The following RNF25 variants were observed in gnomAD, a reference collection of about 807,000 sequenced individuals.
RNF25 encodes ring finger protein 25.
In RNF25, 32 loss-of-function variants were observed where a neutral mutation model predicts 65.0. That is an observed-to-expected ratio of 0.49 (90% CI 0.37 to 0.66). The LOEUF is 0.66. Among genes scored for constraint, RNF25 ranks in the 30% least tolerant of loss-of-function variants. The probability of loss-of-function intolerance (pLI) is 0.00; values close to 1 mark genes in which losing one functional copy is unlikely to be tolerated. For missense variants in RNF25, 493 were observed against 584.8 expected, an observed-to-expected ratio of 0.84 and a Z score of 1.62; for synonymous variants, 207 against 221.2, an observed-to-expected ratio of 0.94 and a Z score of 0.57.
At chr2:218,665,129 C>T in intron 8 of RNF25, 26 bp downstream of exon 8, 3 of 1,605,010 alleles carry the variant, frequency 1.9e-6, no homozygotes, top group Non-Finnish European at 2.6e-6. Context: ...TTACTCCTGG[C>T]TCAGATTGGA....
intron 1 of RNF25, 94 bp from the exon 2 acceptor site, chr2:218,668,773 A>G: frequency 4.8e-6 from 4 of 839,608 alleles, no homozygotes; most frequent in Non-Finnish European, 8.1e-6. Context: ...AAAAATGGCA[A>G]TCTACCAGAA....
At chr2:218,665,015 G>T in intron 8 of RNF25, 140 bp downstream of exon 8, 5 of 1,443,266 alleles carry the variant, frequency 3.5e-6, no homozygotes, top group Non-Finnish European at 3.8e-6. Context: ...TCCCGCCAGT[G>T]GGGGATGTGG....
intron 2 of RNF25, 42 bp from the exon 3 acceptor site, chr2:218,668,383 G>T: frequency 1.5e-6 from 2 of 1,359,250 alleles, no homozygotes; most frequent in East Asian, 4.8e-5. Flanking sequence ...GACTGGGTAG[G>T]GGCTTGGGGG....
chr2:218,666,925 T>C (rs773729471), intron 5 of RNF25, among the ~76,000 whole-genome samples: 4 of 152,088 alleles, frequency 2.6e-5, no homozygotes, highest in Non-Finnish European at 4.4e-5. Flanking sequence ...TCCCAGCACT[T>C]TGGGAGGCTG....
In RNF25 at chr2:218,664,624, A is replaced by G; in HGVS notation, c.802-89T>C. ...CCCTCTCCTACTATCTGGGCTGACC[A>G]CGATCAGCCTATCATCTTCCTGGTT... is the stretch of plus-strand genomic sequence containing the variant. On this transcript the variant is annotated intron_variant, in intron 9 of 9. Coordinates refer to ENST00000295704, the MANE Select transcript of RNF25 (RefSeq NM_022453.3). This position sits in a 1 kb window ranked among gnomAD's most constrained non-coding sequence, Gnocchi z 5.1. 6.4e-6 allele frequency: 10 copies of G among 1,571,446 alleles called. No homozygotes were observed. The highest frequency in any genetic ancestry group is 8.7e-6 in the Non-Finnish European group (10 of 1,151,686).
At chr2:218,671,149 G>A (rs549280606) in intron 1 of RNF25, among the ~76,000 whole-genome samples, 1 of 152,192 alleles carries the variant, frequency 6.6e-6, no homozygotes, top group Non-Finnish European at 1.5e-5. Flanking sequence ...ACTCCAGCGT[G>A]GGCGAGAGTG....
chr2:218,665,088 G>T (rs1427470941), intron 8 of RNF25, 67 bp downstream of exon 8: 34 of 1,524,518 alleles, frequency 2.2e-5, no homozygotes, highest in Non-Finnish European at 3.1e-5. Context: ...ACACAGACAA[G>T]ATGCCATTCC....
Position 218,664,348 on chromosome 2 carries a change from C to A in RNF25, c.989G>T (p.Gly330Val). Residue 330 changes from glycine (G) to valine (V), a missense_variant, in exon 10 of 10, where the codon GGC becomes GTC. Physicochemically the swap from Gly to Val is moderately radical, Grantham distance 109. Coordinates refer to ENST00000295704, the MANE Select transcript of RNF25 (RefSeq NM_022453.3). The surrounding 1 kb of genome is among the most constrained non-coding windows in gnomAD (Gnocchi z 5.1). ...ATCTAGCATAGCTTTCTGGGTTTCG[C>A]CCAACCTTTGCTGATTTGACCTGGT... ...PGTRSNQQRLGETQKAMLDPP... is the reference protein window; with the variant it reads ...PGTRSNQQRLVETQKAMLDPP... 1 of 1,614,146 alleles carries A rather than the reference C, an allele frequency of 6.2e-7. No homozygotes were observed. The highest frequency in any genetic ancestry group is 8.5e-7 in the Non-Finnish European group (1 of 1,180,024).
intron 1 of RNF25, among the ~76,000 whole-genome samples, chr2:218,670,727 G>A (rs967218588): frequency 6.6e-6 from 1 of 151,680 alleles, no homozygotes; most frequent in African/African-American, 2.4e-5. Flanking sequence ...AAAAATTGGG[G>A]GAGTGGGGAC....
chr2:218,664,190 TG>T lies in RNF25; in HGVS notation c.1146del (p.Met383TrpfsTer3). On this transcript the variant is annotated frameshift_variant, in exon 10 of 10. Transcript: ENST00000295704. LOFTEE classifies it high-confidence loss of function. This position sits in a 1 kb window ranked among gnomAD's most constrained non-coding sequence, Gnocchi z 5.1. Reference protein sequence around the residue: ...LPPPEGPLKEPMDLKPEPHSQ... With the variant: ...LPPPEGPLKEXMDLKPEPHSQ... ...CTATGGGGTTCTGGCTTTAGGTCCATGGGCTCCTTGAGGGGCCCCTCAGGAG... is the reference window on the plus strand; with the variant it reads ...CTATGGGGTTCTGGCTTTAGGTCCATGGCTCCTTGAGGGGCCCCTCAGGAG... The T allele has an allele frequency of 6.3e-7, 1 of 1,588,208 alleles. No homozygotes were observed. Among genetic ancestry groups the T allele is most frequent in the South Asian group, 1.1e-5 (1 of 87,736 alleles).
At chr2:218,667,063 G>A (rs1038688213) in intron 5 of RNF25, among the ~76,000 whole-genome samples, 2 of 151,726 alleles carry the variant, frequency 1.3e-5, no homozygotes, top group South Asian at 4.2e-4. Flanking sequence ...AGCTATCTGG[G>A]AGGCTGAGGC....
intron 8 of RNF25, 140 bp downstream of exon 8, chr2:218,665,015 G>A (rs1939790901): frequency 6.9e-7 from 1 of 1,443,270 alleles, no homozygotes; most frequent in African/African-American, 1.4e-5. Context: ...TCCCGCCAGT[G>A]GGGGATGTGG....
In RNF25 at chr2:218,664,613, C is replaced by T; in HGVS notation, c.802-78G>A. The T allele has an allele frequency of 6.4e-7, 1 of 1,573,642 alleles. No homozygotes were observed. Among genetic ancestry groups the T allele is most frequent in the Non-Finnish European group, 8.7e-7 (1 of 1,153,904 alleles). ...GAACTACAGGCCCCTCTCCTACTAT[C>T]TGGGCTGACCACGATCAGCCTATCA... On this transcript the variant is annotated intron_variant, in intron 9 of 9. Transcript: ENST00000295704. This position sits in a 1 kb window ranked among gnomAD's most constrained non-coding sequence, Gnocchi z 5.1.
chr2:218,665,705 T>C (rs1240570177), intron 7 of RNF25, among the ~76,000 whole-genome samples: 2 of 149,826 alleles, frequency 1.3e-5, no homozygotes, highest in Non-Finnish European at 3.0e-5. Context: ...ATTGTGCTAC[T>C]GCACTCCAGC....
At chr2:218,670,635 G>A (rs1273438666) in intron 1 of RNF25, among the ~76,000 whole-genome samples, 7 of 143,990 alleles carry the variant, frequency 4.9e-5, no homozygotes, top group African/African-American at 1.9e-4. Context: ...GGCGGAGCTT[G>A]CAGTGAACCG....
intron 5 of RNF25, among the ~76,000 whole-genome samples, 195 bp from the exon 6 acceptor site, chr2:218,666,425 C>G (rs1360949953): frequency 6.6e-6 from 1 of 152,154 alleles, no homozygotes; most frequent in Non-Finnish European, 1.5e-5. Flanking sequence ...GCCCCTCCCC[C>G]AAAATTTGAT....
chr2:218,666,124 CA>C (rs1315720090), intron 6 of RNF25, 34 bp downstream of exon 6: 1 of 1,612,450 alleles, frequency 6.2e-7, no homozygotes, highest in Admixed American at 1.7e-5. Context: ...CTGCTGGTCC[CA>C]AACAGAATGC....
chr2:218,669,057 TA>T (rs1226963879), intron 1 of RNF25, among the ~76,000 whole-genome samples: 2 of 152,226 alleles, frequency 1.3e-5, no homozygotes, highest in African/African-American at 2.4e-5. Flanking sequence ...GCATTAACGT[TA>T]CCAATATTAC....
chr2:218,668,299 A>G lies in RNF25; in HGVS notation c.159T>C (p.Thr53=), dbSNP rs768637030. Residue 53 remains threonine (T), a synonymous_variant, in exon 3 of 10, where the codon ACT becomes ACC. Coordinates refer to ENST00000295704, the MANE Select transcript of RNF25 (RefSeq NM_022453.3). ...CATACTGTGAATCCTGGTCCTCTGC[A>G]GTGGCAGGATGCAAAGTGATGTAGA... The part of the protein sequence containing the change: ...WEIYITLHPA[T]AEDQDSQYVC... The G allele has an allele frequency of 1.3e-6, 2 of 1,568,758 alleles. No individual in the cohort carries two copies. Among genetic ancestry groups the G allele is most frequent in the Non-Finnish European group, 1.7e-6 (2 of 1,151,632 alleles).
Sources: gnomAD v4.1 joint callset for allele counts (sites outside exome capture counted in the v4.1 genomes callset) on GRCh38, gnomAD v4.1.1 for gene constraint, Gnocchi (gnomAD v3.1) non-coding constraint, MANE v1.5 for transcripts, NCBI Gene and HGNC (gene_info 2026-07-23, HGNC 2026-07-21) for gene names.